Variants in ZC3H15 observed in about 807,000 individuals in gnomAD.
The protein encoded by ZC3H15 is zinc finger CCCH domain-containing protein 15.
Under a neutral mutation model 51.2 loss-of-function variants are expected in ZC3H15, and 15 were observed. That is an observed-to-expected ratio of 0.29 (90% CI 0.20 to 0.45). The LOEUF is 0.45. Among genes scored for constraint, ZC3H15 ranks in the 20% least tolerant of loss-of-function variants. The pLI is 1.00. For synonymous variants in ZC3H15, 144 were observed against 162.8 expected, an observed-to-expected ratio of 0.88 and a Z score of 0.88; for missense variants, 381 against 494.7, an observed-to-expected ratio of 0.77 and a Z score of 2.18.
intron 2 of ZC3H15, among the ~76,000 whole-genome samples, 155 bp downstream of exon 2, chr2:186,495,489 T>A (rs2105587930): frequency 6.6e-6 from 1 of 152,346 alleles, no homozygotes. Flanking sequence ...CAGCAGTACC[T>A]CTTGGATATT....
At chr2:186,488,180 G>T (rs1349916211) in intron 1 of ZC3H15, among the ~76,000 whole-genome samples, 2 of 151,766 alleles carry the variant, frequency 1.3e-5, no homozygotes, top group African/African-American at 4.8e-5. Context: ...TTTATTTTTT[G>T]TTGAGGTATA....
rs1173344181 is a variant in ZC3H15, at chr2:186,509,010, A to G, written c.*277A>G. On this transcript the variant is annotated 3_prime_UTR_variant, in exon 10 of 10. Transcript: ENST00000337859. ...AACTGTCCACCCAAGTAAGAAGTGTATCTGCCTTTCCATCTTTTGGTTTTC... is the reference window on the plus strand; with the variant it reads ...AACTGTCCACCCAAGTAAGAAGTGTGTCTGCCTTTCCATCTTTTGGTTTTC... 3 of 541,468 alleles carry G rather than the reference A, an allele frequency of 5.5e-6. No individual in the cohort carries two copies. The highest frequency in any genetic ancestry group is 2.2e-5 in the Admixed American group (1 of 44,930). 33.5% of individuals were successfully genotyped at this position (541,468 alleles called of 1,614,324 possible). A position where few individuals can be genotyped will look rare whatever the true frequency, so the allele number is the denominator to read the frequency against.
At chr2:186,503,497 C>T (rs2105592848) in intron 5 of ZC3H15, among the ~76,000 whole-genome samples, 1 of 152,294 alleles carries the variant, frequency 6.6e-6, no homozygotes, top group African/African-American at 2.4e-5. Context: ...CTGCGTCAGC[C>T]TCCCAAGTAG....
chr2:186,502,869 A>G (rs72899321), intron 5 of ZC3H15, among the ~76,000 whole-genome samples: 19 of 152,354 alleles, frequency 1.2e-4, no homozygotes, highest in Non-Finnish European at 1.8e-4. Flanking sequence ...ACAAAATTAC[A>G]TATCCAGACA....
chr2:186,489,980 T>TA (rs1395671056), intron 1 of ZC3H15, among the ~76,000 whole-genome samples: 1 of 152,232 alleles, frequency 6.6e-6, no homozygotes, highest in African/African-American at 2.4e-5. Context: ...CAGCTATTGT[T>TA]ATTGCCTATT....
chr2:186,505,653 G>A (rs1375199678), intron 7 of ZC3H15, 56 bp downstream of exon 7: 2 of 1,601,772 alleles, frequency 1.2e-6, no homozygotes, highest in Admixed American at 1.7e-5. Context: ...CAATTTCTGT[G>A]TCATGCAAGA....
chr2:186,508,496 G>C, intron 9 of ZC3H15, 47 bp from the exon 10 acceptor site: 1 of 1,536,210 alleles, frequency 6.5e-7, no homozygotes, highest in Non-Finnish European at 9.0e-7. Flanking sequence ...AATGTGGAAT[G>C]GTGTTTTCTG....
intron 1 of ZC3H15, among the ~76,000 whole-genome samples, chr2:186,488,196 T>A (rs1051711761): frequency 2.6e-5 from 4 of 152,216 alleles, no homozygotes; most frequent in African/African-American, 9.6e-5. Context: ...GTATAACTTA[T>A]GTAAAATAAA....
In ZC3H15 at chr2:186,495,297, C is replaced by A; in HGVS notation, c.140C>A (p.Thr47Lys). The A allele has an allele frequency of 6.4e-7, 1 of 1,551,270 alleles. No individual in the cohort carries two copies. Among genetic ancestry groups the A allele is most frequent in the South Asian group, 1.3e-5 (1 of 78,198 alleles). ...AKQQKFIKAV[T>K]HQVKFGQQNP... is the part of the protein sequence containing the mutation. ...CAACAGAAGTTTATCAAGGCTGTCACACATCAAGTTAAATTTGGTCAACAA... is the reference window on the plus strand; with the variant it reads ...CAACAGAAGTTTATCAAGGCTGTCAAACATCAAGTTAAATTTGGTCAACAA... Residue 47 changes from threonine to lysine, a missense_variant, in exon 2 of 10, where the codon ACA becomes AAA. Thr to Lys is a moderately conservative substitution (Grantham distance 78). This residue lies in a region of ZC3H15 where 125 missense variants were observed against 166.3 expected (regional missense o/e 0.75). Coordinates refer to ENST00000337859, the MANE Select transcript of ZC3H15 (RefSeq NM_018471.3).
rs755860702 is a variant in ZC3H15, at chr2:186,486,352, G to T, written c.-31G>T. The T allele has an allele frequency of 2.0e-6, 3 of 1,522,674 alleles. No individual in the cohort carries two copies. Among genetic ancestry groups the T allele is most frequent in the African/African-American group, 1.4e-5 (1 of 72,262 alleles). 94.3% of individuals were successfully genotyped at this position (1,522,674 alleles called of 1,614,324 possible). On this transcript the variant is annotated 5_prime_UTR_variant, in exon 1 of 10. Coordinates refer to ENST00000337859, the MANE Select transcript of ZC3H15 (RefSeq NM_018471.3). The stretch of plus-strand genomic sequence containing the variant: ...AACCCCTGACGGTATTCAGCTGCGC[G>T]TAAGTCTGGCCGGTGCCATCTGTCT...
At position 186,509,265 on chromosome 2, in the gene ZC3H15, T is replaced by A. The variant is rs1462772551; in HGVS notation, c.*532T>A. 9.8e-6 allele frequency: 2 copies of A among 203,606 alleles called. No individual in the cohort carries two copies. The highest frequency in any genetic ancestry group is 4.7e-5 in the African/African-American group (2 of 42,304). 12.6% of individuals were successfully genotyped at this position (203,606 alleles called of 1,614,324 possible). On this transcript the variant is annotated 3_prime_UTR_variant, in exon 10 of 10. Coordinates refer to ENST00000337859, the MANE Select transcript of ZC3H15 (RefSeq NM_018471.3). ...ATGGAACTTCTTTTATCTGACAGGA[T>A]CAGCTACAATGCCCTGTGTTAAATT...
At chr2:186,500,032 T>C (rs1026451313) in intron 2 of ZC3H15, 150 bp from the exon 3 acceptor site, 4 of 644,492 alleles carry the variant, frequency 6.2e-6, no homozygotes, top group Non-Finnish European at 1.0e-5. Flanking sequence ...AACCACAACA[T>C]TGAATAGACT....
At chr2:186,488,961 G>A (rs1008093905) in intron 1 of ZC3H15, 4 of 170,310 alleles carry the variant, frequency 2.3e-5, no homozygotes, top group Non-Finnish European at 2.6e-5. Flanking sequence ...CTGCAGTACC[G>A]TTGGATGTAT....
At chr2:186,503,966 C>T in intron 5 of ZC3H15, 66 bp from the exon 6 acceptor site, 1 of 1,325,966 alleles carries the variant, frequency 7.5e-7, no homozygotes, top group East Asian at 2.5e-5. Context: ...GTTCCATATA[C>T]TCAGGCATTT....
intron 1 of ZC3H15, among the ~76,000 whole-genome samples, chr2:186,489,901 G>C (rs1553488499): frequency 6.6e-6 from 1 of 152,194 alleles, no homozygotes; most frequent in Non-Finnish European, 1.5e-5. Flanking sequence ...AATGCAGCTA[G>C]TTCCCGTGAG....
intron 8 of ZC3H15, chr2:186,506,151 C>T (rs1574427909): frequency 2.5e-6 from 1 of 402,730 alleles, no homozygotes; most frequent in East Asian, 5.4e-5. Context: ...TGTCCTCCCT[C>T]TAAAAGAGAG....
intron 2 of ZC3H15, among the ~76,000 whole-genome samples, chr2:186,496,149 C>T (rs908773814): frequency 1.3e-5 from 2 of 152,164 alleles, no homozygotes; most frequent in Non-Finnish European, 2.9e-5. Flanking sequence ...TAAGGTCTCC[C>T]CTGCCACTGG....
intron 8 of ZC3H15, 42 bp from the exon 9 acceptor site, chr2:186,506,671 G>A (rs1553489856): frequency 1.5e-5 from 24 of 1,574,564 alleles, no homozygotes; most frequent in Non-Finnish European, 2.1e-5. Context: ...AAAGAAAACT[G>A]TTCTTATTTG....
In ZC3H15 at chr2:186,495,280, G is replaced by A. The variant is rs758002035; in HGVS notation, c.123G>A (p.Lys41=). 1 of 1,557,016 alleles carries A rather than the reference G, an allele frequency of 6.4e-7. No homozygotes were observed. Among genetic ancestry groups the A allele is most frequent in the Non-Finnish European group, 8.6e-7 (1 of 1,156,426 alleles). The change falls in exon 2 of 10, where the codon AAG becomes AAA. Residue 41 remains lysine, a synonymous_variant. Transcript: ENST00000337859. The stretch of plus-strand genomic sequence containing the variant: ...ATAAGAAAGGAGCAAAGCAACAGAA[G>A]TTTATCAAGGCTGTCACACATCAAG... ...LKNKKGAKQQ[K]FIKAVTHQVK...
Sources: allele counts gnomAD v4.1 joint callset (sites outside exome capture counted in the v4.1 genomes callset), GRCh38; gene constraint gnomAD v4.1.1; regional missense constraint gnomAD v4.1.1; transcripts MANE v1.5; gene names NCBI Gene and HGNC (gene_info 2026-07-23, HGNC 2026-07-21).